Variants in COL25A1 observed in about 807,000 individuals in gnomAD.
COL25A1 encodes collagen alpha-1(XXV) chain.
COL25A1 carries 103 observed loss-of-function variants against 128.4 expected under a neutral mutation model. The ratio of observed to expected loss-of-function variants is 0.80; its 90% CI spans 0.68 to 0.94. The LOEUF is 0.94. Ranked by LOEUF, COL25A1 falls within the 40% of genes least tolerant of loss-of-function variation. The probability of loss-of-function intolerance (pLI) is 0.00; values close to 1 mark genes in which losing one functional copy is unlikely to be tolerated. For synonymous variants in COL25A1, 279 were observed against 277.2 expected, an observed-to-expected ratio of 1.01 and a Z score of -0.06; for missense variants, 745 against 840.0, an observed-to-expected ratio of 0.89 and a Z score of 1.40.
chr4:108,911,144 T>C (rs1744168955), intron 13 of COL25A1, among the ~76,000 whole-genome samples: 1 of 152,216 alleles, frequency 6.6e-6, no homozygotes, highest in African/African-American at 2.4e-5. Flanking sequence ...AATATCTTAC[T>C]GGTCAGAAAT....
At chr4:109,007,399 T>C (rs1756127857) in intron 6 of COL25A1, among the ~76,000 whole-genome samples, 1 of 152,192 alleles carries the variant, frequency 6.6e-6, no homozygotes, top group Non-Finnish European at 1.5e-5. Context: ...ATGTAGTAGA[T>C]TTTGGAAAAA....
At chr4:108,882,272 T>TG (rs1740223633) in intron 19 of COL25A1, among the ~76,000 whole-genome samples, 2 of 151,420 alleles carry the variant, frequency 1.3e-5, no homozygotes, top group South Asian at 4.2e-4. Context: ...TTTTTTTTTT[T>TG]GCCTTTGGAG....
At chr4:109,176,304 C>T (rs1690856076) in intron 3 of COL25A1, among the ~76,000 whole-genome samples, 1 of 152,080 alleles carries the variant, frequency 6.6e-6, no homozygotes, top group South Asian at 2.1e-4. Flanking sequence ...GCAGGGGAAT[C>T]GCTTGAACCT....
At chr4:109,239,376 ATGTGTGTG>A (rs57537875) in intron 3 of COL25A1, among the ~76,000 whole-genome samples, 15 of 118,070 alleles carry the variant, frequency 1.3e-4, no homozygotes, top group South Asian at 5.1e-4. Flanking sequence ...ATGTGTGTGT[ATGTGTGTG>A]TGTGTGTGTG....
intron 4 of COL25A1, 105 bp from the exon 5 acceptor site, chr4:109,048,280 A>G (rs1264214583): frequency 2.7e-6 from 3 of 1,097,228 alleles, no homozygotes; most frequent in African/African-American, 1.6e-5. Flanking sequence ...AGCATGACAT[A>G]ATAGACATGG....
chr4:108,942,335 C>A, intron 8 of COL25A1: 2 of 1,405,278 alleles, frequency 1.4e-6, no homozygotes, highest in Non-Finnish European at 2.0e-6. Context: ...CACTAGGGGA[C>A]AAACAAAACA....
At chr4:108,923,179 C>T (rs1187944647) in intron 11 of COL25A1, among the ~76,000 whole-genome samples, 4 of 152,212 alleles carry the variant, frequency 2.6e-5, no homozygotes. Context: ...GTTAAGCTTA[C>T]AAATCAAAGT....
chr4:108,864,903 C>T (rs991031833), intron 20 of COL25A1, among the ~76,000 whole-genome samples: 6 of 152,162 alleles, frequency 3.9e-5, no homozygotes, highest in African/African-American at 1.4e-4. Flanking sequence ...GTAACTTGCT[C>T]AAAGTGACAA....
At chr4:109,139,428 C>A (rs1036545401) in intron 3 of COL25A1, among the ~76,000 whole-genome samples, 1 of 152,110 alleles carries the variant, frequency 6.6e-6, no homozygotes, top group African/African-American at 2.4e-5. Flanking sequence ...ATGGTATTGC[C>A]TAGGTTTTCT....
intron 3 of COL25A1, among the ~76,000 whole-genome samples, chr4:109,093,472 A>AAAAAAAAAAAAC (rs765991576): frequency 1.0e-4 from 15 of 145,536 alleles, no homozygotes; most frequent in African/African-American, 3.1e-4. Context: ...AAAAAAAAAA[A>AAAAAAAAAAAAC]AAAACCTTTT....
At position 108,845,208 on chromosome 4, in the gene COL25A1, G is replaced by A. The variant is rs773603350; in HGVS notation, c.1559C>T (p.Pro520Leu). Residue 520 changes from proline to leucine, a missense_variant, in exon 29 of 38, where the codon CCG (proline) becomes CTG (leucine). By Grantham distance (98) the Pro-to-Leu change is moderately conservative. Coordinates refer to ENST00000399132, the MANE Select transcript of COL25A1 (RefSeq NM_198721.4). ...MKGEKGDSGM[P>L]GPQGPSIIGP... The stretch of plus-strand genomic sequence containing the variant: ...ACTTACAGAAGGACCCTGTGGACCC[G>A]GCATTCCAGAATCTCCTTTTTCTCC... The A allele has an allele frequency of 8.1e-5, 130 of 1,613,810 alleles. No homozygotes were observed. The highest frequency in any genetic ancestry group is 3.1e-4 in the East Asian group (14 of 44,862).
At chr4:108,985,989 T>C (rs1473900331) in intron 6 of COL25A1, among the ~76,000 whole-genome samples, 1 of 152,204 alleles carries the variant, frequency 6.6e-6, no homozygotes, top group Admixed American at 6.5e-5. Flanking sequence ...CCTATTTTTG[T>C]TAAACACAGT....
At chr4:109,027,094 G>A (rs564195682) in intron 5 of COL25A1, among the ~76,000 whole-genome samples, 1 of 152,296 alleles carries the variant, frequency 6.6e-6, no homozygotes, top group African/African-American at 2.4e-5. Context: ...CAGGTACTAG[G>A]ACTATAATAA....
intron 3 of COL25A1, among the ~76,000 whole-genome samples, chr4:109,237,886 A>G (rs1388247867): frequency 2.0e-5 from 3 of 152,048 alleles, no homozygotes; most frequent in African/African-American, 2.4e-5. Context: ...GACTACTCTA[A>G]GTACCTCATG....
chr4:109,086,067 T>C (rs1168788445), intron 3 of COL25A1, among the ~76,000 whole-genome samples: 2 of 152,162 alleles, frequency 1.3e-5, no homozygotes, highest in African/African-American at 4.8e-5. Context: ...AGACATAAAG[T>C]AAGAGGGCAA....
At chr4:109,031,249 C>T (rs1034058871) in intron 5 of COL25A1, among the ~76,000 whole-genome samples, 2 of 152,216 alleles carry the variant, frequency 1.3e-5, no homozygotes, top group Admixed American at 6.5e-5. Context: ...GTAGCTGGGA[C>T]TACAGGCGCC....
intron 3 of COL25A1, among the ~76,000 whole-genome samples, chr4:109,280,425 T>C (rs753982406): frequency 6.6e-6 from 1 of 152,156 alleles, no homozygotes; most frequent in Non-Finnish European, 1.5e-5. Context: ...AATAACACCA[T>C]GCATAAACAA....
intron 3 of COL25A1, among the ~76,000 whole-genome samples, chr4:109,239,274 C>T (rs1779676670): frequency 6.7e-6 from 1 of 149,106 alleles, no homozygotes; most frequent in Non-Finnish European, 1.5e-5. Flanking sequence ...TACAGCTATA[C>T]TATGTATAAT....
At chr4:109,010,401 C>A in intron 5 of COL25A1, 26 bp from the exon 6 acceptor site, 2 of 1,534,960 alleles carry the variant, frequency 1.3e-6, no homozygotes, top group South Asian at 1.2e-5. Context: ...AAAAGAAAAA[C>A]AATTACAAAA....
Sources: allele counts gnomAD v4.1 joint callset (sites outside exome capture counted in the v4.1 genomes callset), GRCh38; gene constraint gnomAD v4.1.1; transcripts MANE v1.5; gene names NCBI Gene and HGNC (gene_info 2026-07-23, HGNC 2026-07-21).